Variants in SHOC1 observed in about 807,000 individuals in gnomAD.
SHOC1 encodes the protein protein shortage in chiasmata 1 ortholog.
SHOC1 carries 136 observed loss-of-function variants against 179.2 expected under a neutral mutation model. The ratio of observed to expected loss-of-function variants is 0.76; its 90% CI spans 0.66 to 0.87. The LOEUF (loss-of-function observed/expected upper bound fraction) is 0.87. SHOC1 is among the 40% of genes least tolerant of loss of function. The probability of loss-of-function intolerance (pLI) is 0.00; values close to 1 mark genes in which losing one functional copy is unlikely to be tolerated. For missense variants in SHOC1, 1,538 were observed against 1,700.8 expected (o/e 0.90, Z 1.68); for synonymous variants, 489 against 586.6 (o/e 0.83, Z 2.41).
intron 5 of SHOC1, among the ~76,000 whole-genome samples, chr9:111,769,378 A>C (rs755808905): frequency 1.3e-5 from 2 of 152,156 alleles, no homozygotes; most frequent in Non-Finnish European, 2.9e-5. Flanking sequence ...GAAGTCATCA[A>C]GTTCTGGGCT....
At chr9:111,792,542 C>G (rs1198431748) in intron 1 of SHOC1, among the ~76,000 whole-genome samples, 1 of 152,102 alleles carries the variant, frequency 6.6e-6, no homozygotes. Flanking sequence ...GTGGAGGTTG[C>G]AGTGACCCAA....
chr9:111,732,719 A>G (rs962866125), intron 12 of SHOC1, among the ~76,000 whole-genome samples: 57 of 152,192 alleles, frequency 3.7e-4, no homozygotes, highest in African/African-American at 1.3e-3. Flanking sequence ...ATACATAGTG[A>G]CAGAAAGTAT....
intron 22 of SHOC1, 61 bp from the exon 23 acceptor site, chr9:111,702,287 G>A: frequency 9.1e-7 from 1 of 1,095,924 alleles, no homozygotes; most frequent in South Asian, 1.4e-5. Flanking sequence ...ATGAAATTAT[G>A]TTATCATTAT....
chr9:111,775,758 A>T (rs774172177), intron 5 of SHOC1, 33 bp downstream of exon 5: 1 of 1,554,578 alleles, frequency 6.4e-7, no homozygotes, highest in South Asian at 1.2e-5. Context: ...TCAGTAAGAA[A>T]TGTTTTACAA....
At chr9:111,765,333 G>C (rs10981060) in intron 5 of SHOC1, among the ~76,000 whole-genome samples, 122,350 of 152,136 alleles carry the variant, frequency 0.8, 49,369 homozygotes, top group East Asian at 0.92. Context: ...CACAGTGGCT[G>C]ACGCCTGTAA....
intron 22 of SHOC1, among the ~76,000 whole-genome samples, chr9:111,703,546 C>T (rs1832087490): frequency 6.6e-6 from 1 of 152,134 alleles, no homozygotes; most frequent in South Asian, 2.1e-4. Flanking sequence ...TCAATTAATA[C>T]ACTATCTCCT....
At chr9:111,783,669 A>G (rs892029571) in intron 3 of SHOC1, among the ~76,000 whole-genome samples, 13 of 152,292 alleles carry the variant, frequency 8.5e-5, no homozygotes, top group African/African-American at 3.1e-4. Flanking sequence ...TAATTTACAT[A>G]TTGAAAACTC....
intron 5 of SHOC1, among the ~76,000 whole-genome samples, chr9:111,768,305 A>G (rs191881569): frequency 6.6e-6 from 1 of 151,564 alleles, no homozygotes; most frequent in East Asian, 1.9e-4. Context: ...AACTCACTAC[A>G]ACCTCCGCCT....
At position 111,725,100 on chromosome 9, in the gene SHOC1, A is replaced by G. The variant is rs1185216658; in HGVS notation, c.1835-1189T>C. Among the ~76,000 whole-genome samples, 3 of 152,216 alleles carry G rather than the reference A, an allele frequency of 2.0e-5. No homozygotes were observed. In the East Asian group the frequency reaches 5.8e-4, roughly 29 times the overall value. On this transcript the variant is annotated intron_variant, in intron 13 of 27. Transcript: ENST00000682961. ...AAAATAATTCCAGAAACACATTACC[A>G]TCTTTACATACATGGTTAAAAATAT... is the stretch of plus-strand genomic sequence containing the variant.
At chr9:111,702,253 A>C (rs1302215874) in intron 22 of SHOC1, 27 bp from the exon 23 acceptor site, 2 of 1,300,436 alleles carry the variant, frequency 1.5e-6, no homozygotes, top group Middle Eastern at 2.3e-4. Context: ...AAAATGTAAA[A>C]ATTCATTAGG....
chr9:111,746,368 T>A, intron 9 of SHOC1, 26 bp from the exon 10 acceptor site: 1 of 1,435,524 alleles, frequency 7.0e-7, no homozygotes, highest in East Asian at 2.3e-5. Flanking sequence ...ATTAAAGTTA[T>A]GTAAACATTG....
At chr9:111,722,692 T>A in intron 14 of SHOC1, 107 bp from the exon 15 acceptor site, 1 of 842,174 alleles carries the variant, frequency 1.2e-6, no homozygotes, top group Non-Finnish European at 1.8e-6. Flanking sequence ...CTATCTGAAT[T>A]ATTTTCTGAG....
intron 5 of SHOC1, among the ~76,000 whole-genome samples, chr9:111,765,140 C>CA (rs528073844): frequency 1.5e-3 from 171 of 117,112 alleles, no homozygotes; most frequent in East Asian, 3.1e-3. Flanking sequence ...GACTCCGTCT[C>CA]AAAAAAAAAA....
chr9:111,705,972 A>T (rs1428082407), intron 20 of SHOC1, among the ~76,000 whole-genome samples: 1 of 152,114 alleles, frequency 6.6e-6, no homozygotes, highest in African/African-American at 2.4e-5. Flanking sequence ...CTCAGAATCT[A>T]TTTAGACTTC....
intron 3 of SHOC1, among the ~76,000 whole-genome samples, chr9:111,782,294 T>C (rs1190690154): frequency 6.6e-6 from 1 of 152,216 alleles, no homozygotes; most frequent in African/African-American, 2.4e-5. Context: ...CTTGGACTGC[T>C]ACTTATTATC....
chr9:111,762,465 T>G (rs900262562), intron 5 of SHOC1, among the ~76,000 whole-genome samples: 2 of 151,900 alleles, frequency 1.3e-5, no homozygotes, highest in African/African-American at 4.8e-5. Context: ...CACGCTTTTG[T>G]GGAAAAATCA....
At chr9:111,791,248 C>T (rs1039647170) in intron 2 of SHOC1, 126 bp downstream of exon 2, 4 of 471,158 alleles carry the variant, frequency 8.5e-6, no homozygotes, top group Non-Finnish European at 1.4e-5. Flanking sequence ...GAAAAAAAAT[C>T]AGAAATCTGA....
intron 12 of SHOC1, among the ~76,000 whole-genome samples, chr9:111,729,100 G>T (rs1462972938): frequency 1.4e-5 from 2 of 146,246 alleles, no homozygotes; most frequent in Non-Finnish European, 3.1e-5. Flanking sequence ...TTTTTGCAAA[G>T]GTGGGGGGTT....
At position 111,756,453 on chromosome 9, in the gene SHOC1, T is replaced by G; in HGVS notation, c.734A>C (p.Glu245Ala). Residue 245 changes from glutamate (E) to alanine (A), a missense_variant, in exon 8 of 28, where the codon GAA (glutamate) becomes GCA (alanine). Coordinates refer to ENST00000682961, the MANE Select transcript of SHOC1 (RefSeq NM_001378211.1). ...NEPSSFLIEY[E>A]FLIPPSLKPE... Reference sequence around the variant, plus strand: ...TTTGAGGCTTGGAGGTATTAAGAATTCATACTCAATAAGAAAACTTGACGG... The same window carrying G: ...TTTGAGGCTTGGAGGTATTAAGAATGCATACTCAATAAGAAAACTTGACGG... The G allele has an allele frequency of 6.2e-7, 1 of 1,602,706 alleles. No individual in the cohort carries two copies. Among genetic ancestry groups the G allele is most frequent in the Non-Finnish European group, 8.5e-7 (1 of 1,177,058 alleles).
Sources: gnomAD v4.1 joint callset for allele counts (sites outside exome capture counted in the v4.1 genomes callset) on GRCh38, gnomAD v4.1.1 for gene constraint, MANE v1.5 for transcripts, NCBI Gene and HGNC (gene_info 2026-07-23, HGNC 2026-07-21) for gene names.